Variants in CCNJL observed in about 807,000 individuals in gnomAD.
CCNJL encodes cyclin J like, also known as cyclin-J-like protein.
CCNJL carries 33 observed loss-of-function variants against 33.4 expected under a neutral mutation model. The ratio of observed to expected loss-of-function variants is 0.99; its 90% confidence interval spans 0.75 to 1.32. The LOEUF is 1.32. Ranked by LOEUF, CCNJL falls within the 40% of genes most tolerant of loss-of-function variation. The pLI is 0.00. For missense variants in CCNJL, 512 were observed against 499.7 expected (o/e 1.02, Z -0.23); for synonymous variants, 227 against 220.9 (o/e 1.03, Z -0.24).
chr5:160,284,844 G>A (rs749932931), intron 2 of CCNJL, among the ~76,000 whole-genome samples: 5 of 152,176 alleles, frequency 3.3e-5, no homozygotes, highest in African/African-American at 1.2e-4. Context: ...ATCTTAATTA[G>A]AAGACTTTCA....
At position 160,280,605 on chromosome 5, in the gene CCNJL, A is replaced by G; in HGVS notation, c.200T>C (p.Leu67Pro). 1 of 1,613,626 alleles carries G rather than the reference A, an allele frequency of 6.2e-7. No individual in the cohort carries two copies. The highest frequency in any genetic ancestry group is 8.5e-7 in the Non-Finnish European group (1 of 1,179,980). ...GTTGTAGCGATCCATGAAGTGGTCC[A>G]GCAGGTAGACGGCCAGGTGCCGGGC... ...PAARHLAVYL[L>P]DHFMDRYNVT... The change falls in exon 3 of 6, where the codon CTG becomes CCG. Residue 67 changes from leucine to proline, a missense_variant. By Grantham distance (98) the Leu-to-Pro change is moderately conservative. Transcript: ENST00000257536.
chr5:160,260,598 G>A (rs534931590), intron 3 of CCNJL, among the ~76,000 whole-genome samples: 10 of 152,102 alleles, frequency 6.6e-5, no homozygotes, highest in Non-Finnish European at 1.2e-4. Context: ...CTTGTGCCCT[G>A]AGGGTCAAGA....
chr5:160,279,658 G>A (rs1325056182), intron 3 of CCNJL, among the ~76,000 whole-genome samples: 1 of 152,154 alleles, frequency 6.6e-6, no homozygotes, highest in Non-Finnish European at 1.5e-5. Context: ...AGAACCAGGT[G>A]GGCAGCGGGA....
upstream of CCNJL, chr5:160,312,685 C>T (rs1024116008): frequency 3.9e-5 from 6 of 151,956 alleles, no homozygotes; most frequent in Admixed American, 3.3e-4. Context: ...TCTTTGCCAG[C>T]TCTGGCTCCG....
Position 160,253,296 on chromosome 5 carries a change from C to A in CCNJL, c.*82G>T, listed in dbSNP as rs1273752605. ...CTCTTCAGGGATGGCCTCCTGCTGC[C>A]TCACTTGGCTGAGCTCTCCTCTTCA... On this transcript the variant is annotated 3_prime_UTR_variant, in exon 6 of 6. Coordinates refer to ENST00000257536, the MANE Select transcript of CCNJL (RefSeq NM_001308173.3). 3.6e-6 allele frequency: 5 copies of A among 1,391,960 alleles called. No individual in the cohort carries two copies. The African/African-American group carries it at 5.8e-5, about 16-fold the overall frequency. The allele number at this position is 1,391,960 out of a possible 1,614,324, so 86.2% of individuals were successfully genotyped here. A position where few individuals can be genotyped will look rare whatever the true frequency, so the allele number is the denominator to read the frequency against.
intron 2 of CCNJL, among the ~76,000 whole-genome samples, chr5:160,298,374 A>G (rs1762816554): frequency 6.6e-6 from 1 of 151,886 alleles, no homozygotes; most frequent in Non-Finnish European, 1.5e-5. Context: ...AAAAAAAGAC[A>G]GTTTCGACAG....
chr5:160,270,038 C>T (rs1348942956), intron 3 of CCNJL, among the ~76,000 whole-genome samples: 1 of 152,138 alleles, frequency 6.6e-6, no homozygotes, highest in Non-Finnish European at 1.5e-5. Context: ...AGGCTGGGCA[C>T]AGTGACTCAT....
chr5:160,337,216 A>T (rs544708237), intron 1 of CCNJL, among the ~76,000 whole-genome samples: 48 of 149,212 alleles, frequency 3.2e-4, no homozygotes, highest in African/African-American at 1.1e-3. Flanking sequence ...GGTTTTCACC[A>T]TGTTGCCCAG....
intron 2 of CCNJL, 30 bp downstream of exon 2, chr5:160,311,828 T>C: frequency 6.2e-7 from 1 of 1,604,502 alleles, no homozygotes; most frequent in Non-Finnish European, 8.5e-7. Context: ...TACCCAGTCT[T>C]GAGAGTGACA....
rs1008341526 is a variant in CCNJL at position 160,252,544 on chromosome 5, T to C, written c.*834A>G. 3.3e-5 allele frequency: 5 copies of C among 152,418 alleles called. No individual in the cohort carries two copies. Among genetic ancestry groups the C allele is most frequent in the African/African-American group, 1.2e-4 (5 of 41,388 alleles). 9.4% of individuals were successfully genotyped at this position (152,418 alleles called of 1,614,324 possible). The stretch of plus-strand genomic sequence containing the variant: ...CTTCCGGAACCGAGAGCTGGGAAAA[T>C]GGTTCTCTCCAACCATATGCCTTCA... On this transcript the variant is annotated 3_prime_UTR_variant, in exon 6 of 6. Transcript: ENST00000257536.
chr5:160,303,659 G>A (rs989620225), intron 2 of CCNJL, among the ~76,000 whole-genome samples: 1 of 151,030 alleles, frequency 6.6e-6, no homozygotes, highest in Non-Finnish European at 1.5e-5. Context: ...CTGTTTGCTT[G>A]TATTCATTTT....
intron 1 of CCNJL, among the ~76,000 whole-genome samples, chr5:160,318,589 A>G (rs550302809): frequency 5.9e-5 from 9 of 152,264 alleles, no homozygotes; most frequent in Admixed American, 1.3e-4. Context: ...GCAACCATGT[A>G]TTATGACATA....
intron 1 of CCNJL, among the ~76,000 whole-genome samples, chr5:160,325,974 T>C (rs1763529566): frequency 6.6e-6 from 1 of 152,178 alleles, no homozygotes; most frequent in South Asian, 2.1e-4. Flanking sequence ...AGAAAGCCTA[T>C]TTGCTATCCA....
intron 2 of CCNJL, among the ~76,000 whole-genome samples, chr5:160,283,956 C>T (rs998538143): frequency 2.0e-4 from 30 of 152,284 alleles, no homozygotes; most frequent in African/African-American, 7.2e-4. Context: ...GGATCTCACT[C>T]TTTTTTACGG....
chr5:160,293,204 A>G (rs1457801144), intron 2 of CCNJL, among the ~76,000 whole-genome samples: 1 of 152,226 alleles, frequency 6.6e-6, no homozygotes, highest in African/African-American at 2.4e-5. Context: ...AGATTACCTG[A>G]GGTCAGGAGT....
At chr5:160,326,411 T>G (rs116407108) in intron 1 of CCNJL, among the ~76,000 whole-genome samples, 4,930 of 148,674 alleles carry the variant, frequency 0.033, 258 homozygotes, top group African/African-American at 0.12. Flanking sequence ...GGAGGTGAAG[T>G]TTGCAGTGAG....
chr5:160,326,036 G>C (rs977346659), intron 1 of CCNJL, among the ~76,000 whole-genome samples: 1 of 152,200 alleles, frequency 6.6e-6, no homozygotes, highest in African/African-American at 2.4e-5. Flanking sequence ...CAACTGTGGA[G>C]CGTGCACGTA....
At chr5:160,338,119 GC>G (rs1323988562) in intron 1 of CCNJL, among the ~76,000 whole-genome samples, 1 of 152,212 alleles carries the variant, frequency 6.6e-6, no homozygotes, top group Non-Finnish European at 1.5e-5. Flanking sequence ...TTCTATAAAA[GC>G]TAAACCTGGC....
At chr5:160,339,520 AT>A in exon 1 of CCNJL, 1 of 452,950 alleles carries the variant, frequency 2.2e-6, no homozygotes, top group Non-Finnish European at 4.4e-6. Context: ...CGTATGCCTC[AT>A]TTTCCAAATC....
Sources: gnomAD v4.1 joint callset for allele counts (sites outside exome capture counted in the v4.1 genomes callset) on GRCh38, gnomAD v4.1.1 for gene constraint, MANE v1.5 for transcripts, NCBI Gene and HGNC (gene_info 2026-07-23, HGNC 2026-07-21) for gene names.